SCHIP1: variants seen among roughly 807,000 people sequenced by gnomAD.
SCHIP1 encodes the protein schwannomin-interacting protein 1.
In SCHIP1, 8 loss-of-function variants were observed where a neutral mutation model predicts 29.7. The observed-to-expected ratio is 0.27, with a 90% confidence interval of 0.16 to 0.49. The LOEUF is 0.49. SCHIP1 is among the 20% of genes least tolerant of loss of function. The pLI is 0.99. For synonymous variants in SCHIP1, 76 were observed against 94.9 expected, an observed-to-expected ratio of 0.80 and a Z score of 1.16; for missense variants, 193 against 294.6, an observed-to-expected ratio of 0.66 and a Z score of 2.52.
chr3:159,427,223 T>C, the SCHIP1 span, among the ~76,000 whole-genome samples: 3 of 150,750 alleles, frequency 2.0e-5, no homozygotes, highest in East Asian at 2.0e-4. Flanking sequence ...GAGAAGGAAA[T>C]AAAGGCTATT....
chr3:159,811,970 T>TG, the SCHIP1 span, among the ~76,000 whole-genome samples: 28 of 92,794 alleles, frequency 3.0e-4, no homozygotes, highest in South Asian at 7.9e-4. Flanking sequence ...TTTTTTTTGT[T>TG]TTTGTTTTTG....
At chr3:159,436,868 C>T in the SCHIP1 span, among the ~76,000 whole-genome samples, 76 of 152,186 alleles carry the variant, frequency 5.0e-4, no homozygotes, top group South Asian at 3.1e-3. Context: ...TCTATGCCTT[C>T]ATGGTTCCAT....
chr3:159,663,091 G>A, the SCHIP1 span, among the ~76,000 whole-genome samples: 2 of 152,090 alleles, frequency 1.3e-5, no homozygotes, highest in Non-Finnish European at 1.5e-5. Context: ...ATAGGAAGTG[G>A]GTTTTGTCAC....
At chr3:159,441,501 G>T in the SCHIP1 span, among the ~76,000 whole-genome samples, 103 of 152,130 alleles carry the variant, frequency 6.8e-4, no homozygotes, top group Admixed American at 4.8e-3. Flanking sequence ...AGTGGGGAAG[G>T]GGGAGGAGGA....
the SCHIP1 span, among the ~76,000 whole-genome samples, chr3:159,613,439 ATTTAT>A: frequency 1.3e-4 from 20 of 152,166 alleles, no homozygotes; most frequent in Non-Finnish European, 1.8e-4. Context: ...AGGTTTATGA[ATTTAT>A]TTTGTCAAAA....
chr3:159,596,153 C>A, the SCHIP1 span, among the ~76,000 whole-genome samples: 189 of 152,296 alleles, frequency 1.2e-3, no homozygotes, highest in South Asian at 2.1e-3. Context: ...TGAACAGACA[C>A]TTCTCAAAAG....
chr3:159,856,730 T>C (rs542794600), intron 1 of SCHIP1, among the ~76,000 whole-genome samples: 2 of 152,158 alleles, frequency 1.3e-5, no homozygotes, highest in Admixed American at 6.5e-5. Context: ...CATCCAATTA[T>C]GGTGAAAGAT....
At chr3:159,573,288 G>A in the SCHIP1 span, among the ~76,000 whole-genome samples, 112 of 152,296 alleles carry the variant, frequency 7.4e-4, no homozygotes, top group Non-Finnish European at 1.1e-3. Context: ...CCTTCAAGGA[G>A]CTCTTGTAAG....
chr3:159,760,523 G>GC, the SCHIP1 span, among the ~76,000 whole-genome samples: 1 of 152,322 alleles, frequency 6.6e-6, no homozygotes, highest in South Asian at 2.1e-4. Flanking sequence ...ACTGTCTTCA[G>GC]CCTCCTCATC....
the SCHIP1 span, among the ~76,000 whole-genome samples, chr3:159,378,918 C>G: frequency 6.6e-6 from 1 of 152,202 alleles, no homozygotes; most frequent in Non-Finnish European, 1.5e-5. Flanking sequence ...CTCTGCTTCT[C>G]TGTTGAGTGA....
At chr3:159,529,546 G>A in the SCHIP1 span, among the ~76,000 whole-genome samples, 1 of 152,134 alleles carries the variant, frequency 6.6e-6, no homozygotes, top group Admixed American at 6.5e-5. Context: ...CATACAATGT[G>A]TAATAATCAA....
At chr3:159,366,069 G>C in the SCHIP1 span, among the ~76,000 whole-genome samples, 1 of 152,184 alleles carries the variant, frequency 6.6e-6, no homozygotes, top group Admixed American at 6.5e-5. Flanking sequence ...TTTACAGGAA[G>C]CATGGTGCTG....
At chr3:159,601,828 G>A in the SCHIP1 span, among the ~76,000 whole-genome samples, 1 of 152,240 alleles carries the variant, frequency 6.6e-6, no homozygotes, top group African/African-American at 2.4e-5. Context: ...GCTCTAGCCA[G>A]TGGTATGCTG....
the SCHIP1 span, among the ~76,000 whole-genome samples, chr3:159,596,124 C>T: frequency 2.0e-5 from 3 of 152,060 alleles, no homozygotes; most frequent in African/African-American, 7.2e-5. Flanking sequence ...CAACCCCATC[C>T]AAAAGTGGGC....
At chr3:159,525,074 C>T in the SCHIP1 span, among the ~76,000 whole-genome samples, 1 of 152,152 alleles carries the variant, frequency 6.6e-6, no homozygotes, top group South Asian at 2.1e-4. Context: ...TGGAACTTCC[C>T]AAGGAAATTG....
the SCHIP1 span, among the ~76,000 whole-genome samples, chr3:159,721,019 C>T: frequency 6.6e-6 from 1 of 151,952 alleles, no homozygotes; most frequent in Non-Finnish European, 1.5e-5. Flanking sequence ...TAATAAAATA[C>T]TTTGTAAAAG....
chr3:159,655,286 G>A, the SCHIP1 span, among the ~76,000 whole-genome samples: 2 of 152,152 alleles, frequency 1.3e-5, no homozygotes, highest in Non-Finnish European at 2.9e-5. Flanking sequence ...TGAAATGAAA[G>A]CCTGTGAACA....
the SCHIP1 span, among the ~76,000 whole-genome samples, chr3:159,552,342 G>A: frequency 9.2e-5 from 14 of 152,078 alleles, no homozygotes; most frequent in African/African-American, 2.9e-4. Flanking sequence ...CACTGCACCC[G>A]GCCCACATTG....
At chr3:159,863,419 A>G (rs924593851) in intron 1 of SCHIP1, among the ~76,000 whole-genome samples, 6 of 152,206 alleles carry the variant, frequency 3.9e-5, no homozygotes, top group Middle Eastern at 3.4e-3. Context: ...AGGTAACTCC[A>G]TAGGATGGAA....
Sources: gnomAD v4.1 joint callset for allele counts (sites outside exome capture counted in the v4.1 genomes callset) on GRCh38, gnomAD v4.1.1 for gene constraint, MANE v1.5 for transcripts, NCBI Gene and HGNC (gene_info 2026-07-23, HGNC 2026-07-21) for gene names.